Variants in ABI2 observed in about 807,000 individuals in gnomAD.
ABI2 encodes abl interactor 2.
A neutral mutation model predicts 59.2 loss-of-function variants in ABI2; 25 were observed. The observed-to-expected ratio is 0.42, with a 90% CI of 0.31 to 0.59. ABI2 has a LOEUF of 0.59. Ranked by LOEUF, ABI2 falls within the 20% of genes least tolerant of loss-of-function variation. The pLI is 0.14. For synonymous variants in ABI2, 213 were observed against 235.5 expected (o/e 0.90, Z 0.87); for missense variants, 545 against 681.8 (o/e 0.80, Z 2.23).
intron 2 of ABI2, among the ~76,000 whole-genome samples, chr2:203,370,250 G>A (rs944974941): frequency 6.7e-6 from 1 of 148,670 alleles, no homozygotes; most frequent in African/African-American, 2.5e-5. Flanking sequence ...GTGTGTGTGT[G>A]TACTTTTTTT....
intron 9 of ABI2, among the ~76,000 whole-genome samples, chr2:203,409,329 A>G (rs908115254): frequency 6.6e-5 from 10 of 152,180 alleles, no homozygotes; most frequent in Non-Finnish European, 8.8e-5. Context: ...CTAGGGTTAT[A>G]CTGCTCTGTT....
chr2:203,350,246 C>T (rs2086888594), intron 1 of ABI2, among the ~76,000 whole-genome samples: 1 of 152,062 alleles, frequency 6.6e-6, no homozygotes, highest in Non-Finnish European at 1.5e-5. Flanking sequence ...CCGGCTAATT[C>T]TCGTATTTTT....
At chr2:203,380,094 A>T in intron 2 of ABI2, 114 bp from the exon 3 acceptor site, 2 of 645,646 alleles carry the variant, frequency 3.1e-6, no homozygotes, top group Non-Finnish European at 4.8e-6. Flanking sequence ...AAAATTTAGC[A>T]AGCATAGTTT....
chr2:203,392,331 A>G (rs1238724593), intron 5 of ABI2, among the ~76,000 whole-genome samples: 1 of 129,320 alleles, frequency 7.7e-6, no homozygotes, highest in African/African-American at 2.7e-5. Context: ...CAACAACAAC[A>G]ACAACAACAA....
At chr2:203,372,645 CG>C (rs2095344479) in intron 2 of ABI2, among the ~76,000 whole-genome samples, 1 of 151,634 alleles carries the variant, frequency 6.6e-6, no homozygotes, top group African/African-American at 2.4e-5. Context: ...GGCAGCTGGC[CG>C]GGCAGAGGGG....
At chr2:203,384,794 A>G (rs892742180) in intron 4 of ABI2, among the ~76,000 whole-genome samples, 1 of 151,670 alleles carries the variant, frequency 6.6e-6, no homozygotes, top group African/African-American at 2.4e-5. Context: ...TTAATGTATT[A>G]TTTCAGTTGA....
At position 203,349,861 on chromosome 2, in the gene ABI2, T is replaced by C. The variant is rs373622693; in HGVS notation, c.118-17016T>C. 3.3e-5 allele frequency among the ~76,000 whole-genome samples: 5 copies of C among 152,206 alleles called. No homozygotes were observed. In the South Asian group the frequency reaches 8.3e-4, roughly 25 times the overall value. On this transcript the variant is annotated intron_variant, in intron 1 of 11. Coordinates refer to ENST00000261018, the MANE Select transcript of ABI2 (RefSeq NM_001375670.1). ...TAACATATAACGTTATAAATATTCATGTACAAGTTTTTGTGTGGGCATATG... is the reference window on the plus strand; with the variant it reads ...TAACATATAACGTTATAAATATTCACGTACAAGTTTTTGTGTGGGCATATG...
intron 1 of ABI2, 29 bp downstream of exon 1, chr2:203,328,660 C>T: frequency 1.4e-6 from 2 of 1,469,602 alleles, no homozygotes; most frequent in Non-Finnish European, 1.8e-6. Context: ...TGGGCCGCGT[C>T]GGGGACCCCC....
chr2:203,353,826 C>T (rs188547263), intron 1 of ABI2, among the ~76,000 whole-genome samples: 1 of 152,174 alleles, frequency 6.6e-6, no homozygotes, highest in South Asian at 2.1e-4. Context: ...TTATCTGTTT[C>T]TTCTGGTACT....
At chr2:203,395,444 T>TACAC (rs1269527326) in intron 6 of ABI2, among the ~76,000 whole-genome samples, 9 of 86,282 alleles carry the variant, frequency 1.0e-4, no homozygotes, top group East Asian at 2.7e-4. Context: ...TATATATATA[T>TACAC]ATATACACAC....
chr2:203,432,022 G>C lies in ABI2; in HGVS notation c.*4670G>C, dbSNP rs950782726. The C allele has an allele frequency of 6.6e-6, 1 of 152,134 alleles. No homozygotes were observed. Among genetic ancestry groups the C allele is most frequent in the Non-Finnish European group, 1.5e-5 (1 of 68,016 alleles). The allele number at this position is 152,134 out of a possible 1,614,324, so 9.4% of individuals were successfully genotyped here. Reference sequence around the variant, plus strand: ...TAAAAACCATCCAGGGGAACTTGAGGGAGCAGTCTGTTGCCAGTAATGTTC... The same window carrying C: ...TAAAAACCATCCAGGGGAACTTGAGCGAGCAGTCTGTTGCCAGTAATGTTC... On this transcript the variant is annotated 3_prime_UTR_variant, in exon 12 of 12. Coordinates refer to ENST00000261018, the MANE Select transcript of ABI2 (RefSeq NM_001375670.1).
intron 11 of ABI2, among the ~76,000 whole-genome samples, chr2:203,418,407 C>G (rs2098011205): frequency 6.6e-6 from 1 of 152,210 alleles, no homozygotes; most frequent in Non-Finnish European, 1.5e-5. Flanking sequence ...CTGCAGTGAT[C>G]TCAGGGCTTG....
chr2:203,367,931 G>A (rs1429596498), intron 2 of ABI2, among the ~76,000 whole-genome samples: 1 of 151,962 alleles, frequency 6.6e-6, no homozygotes, highest in East Asian at 1.9e-4. Context: ...CTGAGCATGC[G>A]GAGGTCTAGA....
rs117282455 is a variant in ABI2 at position 203,407,733 on chromosome 2, T to C, written c.1193-3552T>C. On this transcript the variant is annotated intron_variant, in intron 9 of 11. Coordinates refer to ENST00000261018, the MANE Select transcript of ABI2 (RefSeq NM_001375670.1). The stretch of plus-strand genomic sequence containing the variant: ...GTTATTGGGAAAGAGTCTTGTCTTA[T>C]GAGGAATCATTTTAGCTAAATGAAA... Among the ~76,000 whole-genome samples the C allele has an allele frequency of 1.9e-3, 287 of 152,344 alleles. 8 individuals are homozygous for C. In the East Asian group the frequency reaches 0.046, roughly 24 times the overall value.
Position 203,411,352 on chromosome 2 carries a change from G to A in ABI2, c.1260G>A (p.Val420=), listed in dbSNP as rs778620222. The part of the protein sequence containing the change: ...VTPQLPLMGF[V]ARVQENISDT... Reference sequence around the variant, plus strand: ...CTCAGTTACCTTTAATGGGATTTGTGGCCAGAGTCCAAGAAAATAGTAAGT... The same window carrying A: ...CTCAGTTACCTTTAATGGGATTTGTAGCCAGAGTCCAAGAAAATAGTAAGT... Residue 420 remains valine, a synonymous_variant, in exon 10 of 12, where the codon GTG becomes GTA. Transcript: ENST00000261018. The A allele has an allele frequency of 3.1e-6, 5 of 1,613,134 alleles. No homozygotes were observed. The highest frequency in any genetic ancestry group is 2.7e-5 in the African/African-American group (2 of 74,936).
At chr2:203,422,661 A>G (rs2098267854) in intron 11 of ABI2, among the ~76,000 whole-genome samples, 1 of 152,214 alleles carries the variant, frequency 6.6e-6, no homozygotes, top group Admixed American at 6.5e-5. Flanking sequence ...AACATTAGAC[A>G]AAGAACTGAG....
At chr2:203,348,195 C>T (rs1423785389) in intron 1 of ABI2, among the ~76,000 whole-genome samples, 3 of 152,114 alleles carry the variant, frequency 2.0e-5, no homozygotes, top group Non-Finnish European at 4.4e-5. Context: ...GAGCAGAGAT[C>T]GCGCCACTGC....
intron 1 of ABI2, among the ~76,000 whole-genome samples, chr2:203,356,937 G>A (rs1211126085): frequency 6.6e-6 from 1 of 151,540 alleles, no homozygotes; most frequent in Non-Finnish European, 1.5e-5. Context: ...TGTCTTTTTT[G>A]TGGGGGAGGG....
intron 1 of ABI2, among the ~76,000 whole-genome samples, chr2:203,348,702 TGAG>T (rs1300996514): frequency 6.6e-6 from 1 of 152,184 alleles, no homozygotes; most frequent in East Asian, 1.9e-4. Context: ...ACTGTGAAAT[TGAG>T]AAGAAGGTAC....
Sources: gnomAD v4.1 joint callset for allele counts (sites outside exome capture counted in the v4.1 genomes callset) on GRCh38, gnomAD v4.1.1 for gene constraint, MANE v1.5 for transcripts, NCBI Gene and HGNC (gene_info 2026-07-23, HGNC 2026-07-21) for gene names.